XPO6: variants seen among roughly 807,000 people sequenced by gnomAD.
XPO6 encodes exportin-6.
XPO6 carries 3 observed loss-of-function variants against 130.0 expected under a neutral mutation model. That is an observed-to-expected ratio of 0.02 (90% CI 0.01 to 0.06). The LOEUF (loss-of-function observed/expected upper bound fraction) is 0.06. XPO6 is among the 10% of genes least tolerant of loss of function. The pLI is 1.00. For missense variants in XPO6, 970 were observed against 1,393.0 expected (o/e 0.70, Z 4.83); for synonymous variants, 524 against 548.9 (o/e 0.95, Z 0.63).
chr16:28,102,794 G>A (rs149716848), intron 21 of XPO6, among the ~76,000 whole-genome samples: 5 of 152,026 alleles, frequency 3.3e-5, no homozygotes, highest in African/African-American at 7.2e-5. Flanking sequence ...GAAACACCCC[G>A]CACACCAACA....
At chr16:28,142,547 T>C (rs150791865) in intron 9 of XPO6, among the ~76,000 whole-genome samples, 78 of 152,198 alleles carry the variant, frequency 5.1e-4, no homozygotes, top group African/African-American at 1.7e-3. Flanking sequence ...CCAGAGGAGC[T>C]TGGAGGGGTT....
intron 9 of XPO6, among the ~76,000 whole-genome samples, chr16:28,138,994 TATA>T (rs1209861810): frequency 1.3e-5 from 2 of 152,194 alleles, no homozygotes; most frequent in African/African-American, 2.4e-5. Flanking sequence ...CTAAAACAGC[TATA>T]ATAACAATGC....
intron 8 of XPO6, among the ~76,000 whole-genome samples, chr16:28,148,013 C>A (rs1252611102): frequency 1.3e-5 from 2 of 152,148 alleles, no homozygotes; most frequent in African/African-American, 4.8e-5. Context: ...CCAAGAGACA[C>A]ACTCTTGTCC....
At chr16:28,172,403 C>G (rs556769820) in intron 4 of XPO6, among the ~76,000 whole-genome samples, 5 of 152,262 alleles carry the variant, frequency 3.3e-5, no homozygotes, top group African/African-American at 1.2e-4. Context: ...CACGACCCAA[C>G]AGAAGAAACA....
At chr16:28,187,844 C>T (rs2043719732) in intron 1 of XPO6, among the ~76,000 whole-genome samples, 1 of 151,848 alleles carries the variant, frequency 6.6e-6, no homozygotes, top group South Asian at 2.1e-4. Context: ...ACATGTGACT[C>T]TTTACATTTT....
At chr16:28,149,071 A>C (rs957763115) in intron 8 of XPO6, among the ~76,000 whole-genome samples, 20 of 150,476 alleles carry the variant, frequency 1.3e-4, no homozygotes, top group Admixed American at 6.7e-5. Context: ...AAAAAAAAAA[A>C]AACAAAAGGA....
intron 15 of XPO6, among the ~76,000 whole-genome samples, chr16:28,116,426 CACTCCAGCCCGGGCGACAGAGCGAG>C (rs1400195566): frequency 6.6e-6 from 1 of 150,492 alleles, no homozygotes; most frequent in Non-Finnish European, 1.5e-5. Context: ...CACGCCACTG[CACTCCAGCCCGGGCGACAGAGCGAG>C]ACTCCATCTC....
chr16:28,136,033 A>G (rs768771914), intron 9 of XPO6, among the ~76,000 whole-genome samples: 9 of 152,162 alleles, frequency 5.9e-5, no homozygotes, highest in Non-Finnish European at 1.3e-4. Context: ...ACCTAATTCA[A>G]TGATTTCATG....
At chr16:28,168,602 C>CT (rs371113316) in intron 5 of XPO6, among the ~76,000 whole-genome samples, 41,011 of 142,284 alleles carry the variant, frequency 0.29, 5,787 homozygotes, top group African/African-American at 0.32. Context: ...TTTTCTTTTT[C>CT]TTTTTTTTTT....
Position 28,125,954 on chromosome 16 carries a change from C to T in XPO6, c.1607-106G>A, listed in dbSNP as rs148915328. ...ACACACAGCAAAACCAGCAGCAAAA[C>T]CAATTCGCGAAACAAAGCAACCCAC... On this transcript the variant is annotated intron_variant, in intron 12 of 23. Coordinates refer to ENST00000304658, the MANE Select transcript of XPO6 (RefSeq NM_015171.4). 2.8e-6 allele frequency: 4 copies of T among 1,448,626 alleles called. No homozygotes were observed. In the African/African-American group the frequency reaches 4.2e-5, roughly 15 times the overall value. 89.7% of individuals were successfully genotyped at this position (1,448,626 alleles called of 1,614,324 possible). A position where few individuals can be genotyped will look rare whatever the true frequency, so the allele number is the denominator to read the frequency against.
At chr16:28,131,316 G>A (rs1489116308) in intron 12 of XPO6, among the ~76,000 whole-genome samples, 1 of 152,168 alleles carries the variant, frequency 6.6e-6, no homozygotes, top group Non-Finnish European at 1.5e-5. Flanking sequence ...AGGCTCCTGT[G>A]GAGGCTCTGC....
chr16:28,169,465 G>A (rs1481886943), intron 5 of XPO6, among the ~76,000 whole-genome samples: 1 of 152,166 alleles, frequency 6.6e-6, no homozygotes, highest in African/African-American at 2.4e-5. Flanking sequence ...ACCATGCAGT[G>A]ATCGGCACTG....
chr16:28,158,852 C>T (rs1202507788), intron 6 of XPO6, among the ~76,000 whole-genome samples: 1 of 151,698 alleles, frequency 6.6e-6, no homozygotes, highest in Non-Finnish European at 1.5e-5. Context: ...AAGCACTAGA[C>T]TAAAGGAAAT....
chr16:28,178,065 G>A (rs1022228187), intron 2 of XPO6, among the ~76,000 whole-genome samples: 4 of 152,096 alleles, frequency 2.6e-5, no homozygotes, highest in Non-Finnish European at 4.4e-5. Context: ...TCATGTTTCT[G>A]GACATGCTGT....
intron 1 of XPO6, among the ~76,000 whole-genome samples, chr16:28,207,123 C>G (rs1295595074): frequency 2.0e-5 from 3 of 151,884 alleles, no homozygotes; most frequent in Admixed American, 6.6e-5. Context: ...TGGTGGGTGC[C>G]TGTAATCTCA....
intron 1 of XPO6, among the ~76,000 whole-genome samples, chr16:28,209,364 G>A (rs1372614263): frequency 1.3e-5 from 2 of 152,090 alleles, no homozygotes; most frequent in Non-Finnish European, 2.9e-5. Flanking sequence ...TTGAGGCCGG[G>A]CGCGATGGCT....
At chr16:28,189,909 T>C (rs1299290763) in intron 1 of XPO6, among the ~76,000 whole-genome samples, 6 of 152,358 alleles carry the variant, frequency 3.9e-5, no homozygotes, top group African/African-American at 1.2e-4. Context: ...ATTCCTCTAT[T>C]ATTTCTTGGG....
At chr16:28,134,076 T>A in intron 10 of XPO6, 143 bp from the exon 11 acceptor site, 2 of 718,158 alleles carry the variant, frequency 2.8e-6, no homozygotes, top group Non-Finnish European at 4.6e-6. Flanking sequence ...AAGGCCAAGC[T>A]AGAATTTTTT....
rs1460844923 is a variant in XPO6 at position 28,156,146 on chromosome 16, T to C, written c.1025A>G (p.Tyr342Cys). 2 of 1,613,904 alleles carry C rather than the reference T, an allele frequency of 1.2e-6. No individual in the cohort carries two copies. Among genetic ancestry groups the C allele is most frequent in the Non-Finnish European group, 8.5e-7 (1 of 1,179,948 alleles). The stretch of plus-strand genomic sequence containing the variant: ...ATCCTTGGTGATTTTCTGCAGGAGG[T>C]AGAAAGTCTGCTGGAACATACGCAG... ...YLLRMFQQTF[Y>C]LLQKITKDNN... The change falls in exon 7 of 24, where the codon TAC becomes TGC. Residue 342 changes from tyrosine (Y) to cysteine (C), a missense_variant. By Grantham distance (194) the Tyr-to-Cys change is radical. Coordinates refer to ENST00000304658, the MANE Select transcript of XPO6 (RefSeq NM_015171.4).
Sources: allele counts gnomAD v4.1 joint callset (sites outside exome capture counted in the v4.1 genomes callset), GRCh38; gene constraint gnomAD v4.1.1; transcripts MANE v1.5; gene names NCBI Gene and HGNC (gene_info 2026-07-23, HGNC 2026-07-21).